MDGA2: variants seen among roughly 807,000 people sequenced by gnomAD.
The protein encoded by MDGA2 is MAM domain containing glycosylphosphatidylinositol anchor 2, also known as MAM domain-containing glycosylphosphatidylinositol anchor protein 2.
Under a neutral mutation model 117.8 loss-of-function variants are expected in MDGA2, and 40 were observed. The ratio of observed to expected loss-of-function variants is 0.34; its 90% CI spans 0.26 to 0.44. The LOEUF (loss-of-function observed/expected upper bound fraction) is 0.44. Ranked by LOEUF, MDGA2 falls within the 20% of genes least tolerant of loss-of-function variation. MDGA2 has a pLI of 1.00. For missense variants in MDGA2, 1,123 were observed against 1,250.6 expected, an observed-to-expected ratio of 0.90 and a Z score of 1.54; for synonymous variants, 452 against 439.0, an observed-to-expected ratio of 1.03 and a Z score of -0.37.
chr14:47,399,765 T>TA (rs1000014846), intron 1 of MDGA2, among the ~76,000 whole-genome samples: 24 of 152,190 alleles, frequency 1.6e-4, no homozygotes, highest in Non-Finnish European at 2.6e-4. Context: ...GTTTTTTTGT[T>TA]AAAAAAATGC....
chr14:46,919,189 C>A (rs918195234), intron 10 of MDGA2, among the ~76,000 whole-genome samples: 1 of 152,182 alleles, frequency 6.6e-6, no homozygotes, highest in Non-Finnish European at 1.5e-5. Flanking sequence ...ATTTTATTCT[C>A]TCTACCATCC....
At chr14:47,192,212 T>C (rs916705387) in intron 3 of MDGA2, among the ~76,000 whole-genome samples, 2 of 152,102 alleles carry the variant, frequency 1.3e-5, no homozygotes, top group African/African-American at 4.8e-5. Context: ...TGAAAAGAGG[T>C]ATGGGACCGA....
chr14:47,448,710 C>T (rs1893178805), intron 1 of MDGA2, among the ~76,000 whole-genome samples: 1 of 152,114 alleles, frequency 6.6e-6, no homozygotes, highest in Non-Finnish European at 1.5e-5. Context: ...TTCCTGAGTT[C>T]CTTATGCTGC....
chr14:47,032,278 A>G lies in MDGA2; in HGVS notation c.1819+2733T>C, dbSNP rs113532419. ...AGGTATCCAAGTTAAGCAAAAAATA[A>G]ATTATTTTCAAATTAAAAAAAAATC... is the stretch of plus-strand genomic sequence containing the variant. On this transcript the variant is annotated intron_variant, in intron 8 of 16. Transcript: ENST00000399232. 9.5e-4 allele frequency among the ~76,000 whole-genome samples: 144 copies of G among 152,236 alleles called. 2 individuals are homozygous for G. The highest frequency in any genetic ancestry group is 3.3e-3 in the African/African-American group (136 of 41,536).
chr14:47,288,716 C>A (rs951605226), intron 2 of MDGA2, among the ~76,000 whole-genome samples: 1 of 151,818 alleles, frequency 6.6e-6, no homozygotes, highest in African/African-American at 2.4e-5. Context: ...TTTGTTAAGA[C>A]CTTGGCATTA....
At chr14:47,226,178 C>T (rs1467783648) in intron 2 of MDGA2, among the ~76,000 whole-genome samples, 1 of 150,864 alleles carries the variant, frequency 6.6e-6, no homozygotes, top group Non-Finnish European at 1.5e-5. Context: ...ATGATGGCAC[C>T]ACTCCAGCCT....
At chr14:47,223,623 GAT>G (rs1338189549) in intron 2 of MDGA2, among the ~76,000 whole-genome samples, 1 of 152,116 alleles carries the variant, frequency 6.6e-6, no homozygotes, top group Non-Finnish European at 1.5e-5. Flanking sequence ...GCTAAAATTT[GAT>G]AGTTACTTAA....
At position 47,119,154 on chromosome 14, in the gene MDGA2, C is replaced by T. The variant is rs564604686; in HGVS notation, c.925+12560G>A. Among the ~76,000 whole-genome samples the T allele has an allele frequency of 2.5e-3, 321 of 130,546 alleles. 3 individuals carry two copies. The highest frequency in any genetic ancestry group is 4.1e-3 in the Non-Finnish European group (245 of 59,492). The allele number at this position is 130,546 out of a possible 152,430, so 85.6% of individuals were successfully genotyped here. A position where few individuals can be genotyped will look rare whatever the true frequency, so the allele number is the denominator to read the frequency against. On this transcript the variant is annotated intron_variant, in intron 5 of 16. Coordinates refer to ENST00000399232, the MANE Select transcript of MDGA2 (RefSeq NM_001113498.3). ...CAAGCTCCGCCTCCTGGGTTCACGC[C>T]ATTCTCCTGCCTCAGCCCCGCCCCC...
intron 10 of MDGA2, among the ~76,000 whole-genome samples, chr14:46,906,382 C>T (rs1400735720): frequency 6.6e-6 from 1 of 151,888 alleles, no homozygotes; most frequent in African/African-American, 2.4e-5. Flanking sequence ...ATAGTTGGGA[C>T]CAGAATTACT....
intron 1 of MDGA2, among the ~76,000 whole-genome samples, chr14:47,334,154 T>G (rs1323183629): frequency 6.6e-6 from 1 of 151,816 alleles, no homozygotes; most frequent in East Asian, 1.9e-4. Context: ...CTTCTTGGCT[T>G]TTTTGTGGTG....
chr14:47,088,430 G>A (rs1890989093), intron 6 of MDGA2, among the ~76,000 whole-genome samples: 1 of 152,110 alleles, frequency 6.6e-6, no homozygotes, highest in South Asian at 2.1e-4. Context: ...GAATGTGAAG[G>A]CATTGGTTTT....
At chr14:47,441,896 G>T (rs1028255807) in intron 1 of MDGA2, among the ~76,000 whole-genome samples, 2 of 152,298 alleles carry the variant, frequency 1.3e-5, no homozygotes, top group East Asian at 3.9e-4. Flanking sequence ...GATAGAATCA[G>T]TGTCAAATGC....
chr14:47,298,638 T>C (rs1234179415), intron 2 of MDGA2, among the ~76,000 whole-genome samples: 1 of 151,870 alleles, frequency 6.6e-6, no homozygotes, highest in Admixed American at 6.6e-5. Flanking sequence ...TCTGTCAGCT[T>C]TCCTTATACA....
rs1251384006 is a variant in MDGA2, at chr14:47,067,911, T to A, written c.1196-6333A>T. Among the ~76,000 whole-genome samples, 7 of 152,324 alleles carry A rather than the reference T, an allele frequency of 4.6e-5. No individual in the cohort carries two copies. The East Asian group carries it at 1.3e-3, about 29-fold the overall frequency. ...TAAATTTTTTTCTCTGATATGCTAT[T>A]AAGTATTCTTATACTCACTTCTCTG... On this transcript the variant is annotated intron_variant, in intron 6 of 16. Coordinates refer to ENST00000399232, the MANE Select transcript of MDGA2 (RefSeq NM_001113498.3).
At chr14:47,107,741 T>C (rs1475918746) in intron 5 of MDGA2, among the ~76,000 whole-genome samples, 3 of 151,228 alleles carry the variant, frequency 2.0e-5, no homozygotes, top group Non-Finnish European at 4.4e-5. Context: ...CGGTCAGAAT[T>C]TTTACACAAG....
intron 8 of MDGA2, among the ~76,000 whole-genome samples, chr14:46,958,343 C>T (rs138768119): frequency 2.5e-4 from 38 of 151,662 alleles, no homozygotes; most frequent in African/African-American, 9.0e-4. Context: ...AGCTGATGCA[C>T]AAAAGAAGAC....
chr14:47,491,876 T>C (rs1894177138), intron 1 of MDGA2, among the ~76,000 whole-genome samples: 1 of 152,122 alleles, frequency 6.6e-6, no homozygotes, highest in Non-Finnish European at 1.5e-5. Context: ...AATTCTAACA[T>C]AAAGTTATCA....
chr14:47,335,745 T>TATATATATATATATATATACATACATAC lies in MDGA2; in HGVS notation c.281-34196_281-34195insGTATGTATGTATATATATATATATATAT. Among the ~76,000 whole-genome samples, 197 of 95,530 alleles carry TATATATATATATATATATACATACATAC rather than the reference T, an allele frequency of 2.1e-3. 2 individuals carry two copies. The highest frequency in any genetic ancestry group is 7.2e-3 in the African/African-American group (169 of 23,474). The allele number at this position is 95,530 out of a possible 152,430, so 62.7% of individuals were successfully genotyped here. On this transcript the variant is annotated intron_variant, in intron 1 of 16. Transcript: ENST00000399232. The stretch of plus-strand genomic sequence containing the variant: ...TGCACACATATATTTTATATATATA[T>TATATATATATATATATATACATACATAC]ATACATACATACATACAGGATCACT...
chr14:47,370,499 G>GTTTTTTTTT (rs1566758127), intron 1 of MDGA2, among the ~76,000 whole-genome samples: 1 of 30,776 alleles, frequency 3.2e-5, no homozygotes, highest in Non-Finnish European at 6.2e-5. Context: ...TTTTTTTTTT[G>GTTTTTTTTT]TGTGTGTGTG....
Sources: gnomAD v4.1 joint callset for allele counts (sites outside exome capture counted in the v4.1 genomes callset) on GRCh38, gnomAD v4.1.1 for gene constraint, MANE v1.5 for transcripts, NCBI Gene and HGNC (gene_info 2026-07-23, HGNC 2026-07-21) for gene names.